The following DSCAM variants were observed in gnomAD, a reference collection of about 807,000 sequenced individuals.
The protein encoded by DSCAM is cell adhesion molecule DSCAM.
A neutral mutation model predicts 217.7 loss-of-function variants in DSCAM; 47 were observed. That is an observed-to-expected ratio of 0.22 (90% CI 0.17 to 0.28). DSCAM has a LOEUF of 0.28. Among genes scored for constraint, DSCAM ranks in the 10% least tolerant of loss-of-function variants. The pLI is 1.00. For synonymous variants in DSCAM, 1,056 were observed against 1,015.3 expected (o/e 1.04, Z -0.76); for missense variants, 2,080 against 2,618.3 (o/e 0.79, Z 4.49).
chr21:40,656,150 T>C (rs1431521084), intron 3 of DSCAM, among the ~76,000 whole-genome samples: 4 of 152,306 alleles, frequency 2.6e-5, no homozygotes, highest in East Asian at 1.9e-4. Context: ...TCCTATCACA[T>C]TGGGTTTTAG....
At chr21:40,491,164 C>A (rs1405430486) in intron 3 of DSCAM, among the ~76,000 whole-genome samples, 2 of 152,092 alleles carry the variant, frequency 1.3e-5, no homozygotes, top group East Asian at 3.9e-4. Context: ...CAAATGTGTT[C>A]TCTTATTCTT....
At chr21:40,255,404 T>G (rs1288857204) in intron 11 of DSCAM, among the ~76,000 whole-genome samples, 1 of 152,204 alleles carries the variant, frequency 6.6e-6, no homozygotes, top group Non-Finnish European at 1.5e-5. Flanking sequence ...TTTACAGTCC[T>G]TGCTCATAGC....
At chr21:40,586,132 T>C (rs1026020513) in intron 3 of DSCAM, among the ~76,000 whole-genome samples, 4 of 152,150 alleles carry the variant, frequency 2.6e-5, no homozygotes, top group East Asian at 3.9e-4. Flanking sequence ...GCTGGGATTA[T>C]AGACATGAGC....
At chr21:40,509,184 C>A (rs62225537) in intron 3 of DSCAM, among the ~76,000 whole-genome samples, 6 of 151,922 alleles carry the variant, frequency 3.9e-5, no homozygotes, top group African/African-American at 1.5e-4. Context: ...ACTTGTTACA[C>A]AAGCAAGGGA....
At chr21:40,435,530 T>C (rs969026275) in intron 3 of DSCAM, among the ~76,000 whole-genome samples, 1 of 121,214 alleles carries the variant, frequency 8.2e-6, no homozygotes, top group Admixed American at 1.0e-4. Flanking sequence ...AATACAAATT[T>C]AAAAACTGTA....
chr21:40,452,237 T>TACACACACACACACACACACACAC (rs71186937), intron 3 of DSCAM, among the ~76,000 whole-genome samples: 3 of 144,370 alleles, frequency 2.1e-5, no homozygotes, highest in Admixed American at 1.4e-4. Context: ...TACACTATAT[T>TACACACACACACACACACACACAC]ACACACACAC....
chr21:40,536,400 C>CTTTT (rs35476225), intron 3 of DSCAM, among the ~76,000 whole-genome samples: 5 of 127,756 alleles, frequency 3.9e-5, no homozygotes, highest in African/African-American at 1.2e-4. Context: ...CCGGTAGAGT[C>CTTTT]TTTTTTTTTT....
At chr21:40,030,349 C>T (rs1019529014) in intron 32 of DSCAM, among the ~76,000 whole-genome samples, 2 of 152,122 alleles carry the variant, frequency 1.3e-5, no homozygotes, top group African/African-American at 4.8e-5. Context: ...TAGTATCGTT[C>T]CCGACTGTGG....
intron 3 of DSCAM, among the ~76,000 whole-genome samples, chr21:40,667,404 A>C (rs762326516): frequency 3.3e-5 from 5 of 152,224 alleles, no homozygotes; most frequent in Non-Finnish European, 7.3e-5. Context: ...TTTGTATTTA[A>C]ACATACTATC....
chr21:40,827,228 G>A (rs893038723), intron 1 of DSCAM, among the ~76,000 whole-genome samples: 2 of 152,144 alleles, frequency 1.3e-5, no homozygotes, highest in Non-Finnish European at 2.9e-5. Flanking sequence ...GAGTGAACAT[G>A]AGGAAATCTA....
intron 11 of DSCAM, among the ~76,000 whole-genome samples, chr21:40,244,687 A>G (rs2073198919): frequency 6.6e-6 from 1 of 151,972 alleles, no homozygotes; most frequent in Non-Finnish European, 1.5e-5. Flanking sequence ...AGTGGTAGGT[A>G]GGTAGTTAGG....
rs372753780 is a variant in DSCAM at position 40,144,737 on chromosome 21, C to G, written c.3019-6G>C. 66 of 1,614,086 alleles carry G rather than the reference C, an allele frequency of 4.1e-5. No individual in the cohort carries two copies. In the African/African-American group the frequency reaches 8.3e-4, roughly 20 times the overall value. ...TGCAAATGTTTCTTGGGAGCCTAAA[C>G]AGGAGAGAAAAGAACACACTAAAGA... On this transcript the variant is annotated splice_polypyrimidine_tract_variant and splice_region_variant and intron_variant, in intron 16 of 32. Coordinates refer to ENST00000400454, the MANE Select transcript of DSCAM (RefSeq NM_001389.5). This position sits in a 1 kb window ranked among gnomAD's most constrained non-coding sequence, Gnocchi z 4.8.
intron 27 of DSCAM, among the ~76,000 whole-genome samples, chr21:40,069,899 C>T (rs990740706): frequency 3.3e-5 from 5 of 152,048 alleles, no homozygotes; most frequent in African/African-American, 1.2e-4. Context: ...AAAAAGAAGG[C>T]CATATATACT....
chr21:40,337,238 C>G (rs2074438026), intron 8 of DSCAM, among the ~76,000 whole-genome samples: 1 of 152,118 alleles, frequency 6.6e-6, no homozygotes, highest in African/African-American at 2.4e-5. Context: ...TTATTGGTTC[C>G]TGGAGAGAGA....
At chr21:40,485,228 A>ACTTT (rs1183477109) in intron 3 of DSCAM, among the ~76,000 whole-genome samples, 7 of 142,126 alleles carry the variant, frequency 4.9e-5, no homozygotes, top group East Asian at 2.0e-4. Flanking sequence ...TATCACACTG[A>ACTTT]CTTTCTTTCT....
rs746847056 is a variant in DSCAM, at chr21:40,078,918, G to C, written c.4480C>G (p.Leu1494Val). The C allele has an allele frequency of 2.0e-5, 33 of 1,614,124 alleles. No individual in the cohort carries two copies. Among genetic ancestry groups the C allele is most frequent in the Admixed American group, 8.3e-5 (5 of 60,012 alleles). ...FASINTTRVR[L>V]NLIGWNDGGC... The stretch of plus-strand genomic sequence containing the variant: ...CCATCATTCCAGCCAATGAGGTTCA[G>C]CCTCACGCGTGTGGTGTTGATGCTG... The change falls in exon 26 of 33, where the codon CTG becomes GTG. Residue 1494 changes from leucine (L) to valine (V), a missense_variant. Leu to Val is a conservative substitution (Grantham distance 32). Coordinates refer to ENST00000400454, the MANE Select transcript of DSCAM (RefSeq NM_001389.5).
At chr21:40,714,032 C>T (rs552705366) in intron 1 of DSCAM, among the ~76,000 whole-genome samples, 1 of 152,278 alleles carries the variant, frequency 6.6e-6, no homozygotes, top group South Asian at 2.1e-4. Context: ...ACTTTGGTGG[C>T]ATCCATGTTG....
At chr21:40,756,647 C>T (rs1488434760) in intron 1 of DSCAM, among the ~76,000 whole-genome samples, 1 of 152,184 alleles carries the variant, frequency 6.6e-6, no homozygotes, top group East Asian at 1.9e-4. Flanking sequence ...CCATCTCGGC[C>T]TCCCAAAGTG....
chr21:40,398,766 C>T (rs11702336), intron 3 of DSCAM, among the ~76,000 whole-genome samples: 4 of 151,912 alleles, frequency 2.6e-5, no homozygotes, highest in African/African-American at 9.7e-5. Flanking sequence ...TCCCAAGTAG[C>T]TGGGACTACA....
Sources: allele counts gnomAD v4.1 joint callset (sites outside exome capture counted in the v4.1 genomes callset), GRCh38; gene constraint gnomAD v4.1.1; non-coding constraint Gnocchi (gnomAD v3.1); transcripts MANE v1.5; gene names NCBI Gene and HGNC (gene_info 2026-07-23, HGNC 2026-07-21).